AADACL4: variants seen among roughly 807,000 people sequenced by gnomAD.
AADACL4 encodes the protein arylacetamide deacetylase-like 4.
A neutral mutation model predicts 14.1 loss-of-function variants in AADACL4; 9 were observed. The observed-to-expected ratio is 0.64, with a 90% CI of 0.39 to 1.12. The LOEUF (loss-of-function observed/expected upper bound fraction) is 1.12, where lower values mean the gene tolerates loss of function less well. AADACL4 is among the 50% of genes most tolerant of loss of function. AADACL4 has a pLI of 0.01. For missense variants in AADACL4, 531 were observed against 516.1 expected (o/e 1.03, Z -0.28); for synonymous variants, 188 against 201.6 (o/e 0.93, Z 0.57).
intron 3 of AADACL4, among the ~76,000 whole-genome samples, chr1:12,665,706 T>G (rs1421651555): frequency 6.6e-6 from 1 of 152,208 alleles, no homozygotes; most frequent in Non-Finnish European, 1.5e-5. Context: ...GAAAACAAAG[T>G]TGCATCACCT....
chr1:12,663,613 G>A (rs868856382), intron 3 of AADACL4, among the ~76,000 whole-genome samples: 2 of 152,214 alleles, frequency 1.3e-5, no homozygotes, highest in Admixed American at 6.5e-5. Context: ...AGAGAGAAGT[G>A]TAGGGAGGCA....
chr1:12,651,390 T>G, intron 2 of AADACL4, 51 bp downstream of exon 2: 2 of 1,563,704 alleles, frequency 1.3e-6, no homozygotes, highest in Non-Finnish European at 1.8e-6. Flanking sequence ...TCTGCATGCA[T>G]AGCCTAGCTC....
chr1:12,654,153 C>T (rs1647167146), intron 2 of AADACL4, among the ~76,000 whole-genome samples: 1 of 152,182 alleles, frequency 6.6e-6, no homozygotes, highest in East Asian at 1.9e-4. Context: ...TGGTGTCTCC[C>T]AGTATTTGGG....
In AADACL4 at chr1:12,658,137, TTC is replaced by T. The variant is rs1238492902; in HGVS notation, c.386-3653_386-3652del. Reference sequence around the variant, plus strand: ...CTTCCTTCCTTCCTTCCTTCCTTCCTTCCTTTCTTTCTTTCTTTCTTTCTTTC... The same window carrying T: ...CTTCCTTCCTTCCTTCCTTCCTTCCTCTTTCTTTCTTTCTTTCTTTCTTTC... On this transcript the variant is annotated intron_variant, in intron 2 of 3. Transcript: ENST00000376221. Among the ~76,000 whole-genome samples, 291 of 133,890 alleles carry T rather than the reference TTC, an allele frequency of 2.2e-3. 2 individuals carry two copies. Among genetic ancestry groups the T allele is most frequent in the East Asian group, 9.9e-3 (49 of 4,942 alleles). 87.8% of individuals were successfully genotyped at this position (133,890 alleles called of 152,430 possible).
At chr1:12,661,125 C>A (rs1190692850) in intron 2 of AADACL4, among the ~76,000 whole-genome samples, 3 of 152,322 alleles carry the variant, frequency 2.0e-5, no homozygotes, top group Non-Finnish European at 4.4e-5. Flanking sequence ...ACTTCAGCAA[C>A]CTCCTCCAAA....
chr1:12,652,437 T>G (rs898084774), intron 2 of AADACL4, among the ~76,000 whole-genome samples: 3 of 152,244 alleles, frequency 2.0e-5, no homozygotes, highest in Non-Finnish European at 4.4e-5. Flanking sequence ...AGAGTTGTCT[T>G]GATACCGGTG....
At chr1:12,651,366 G>A (rs1257308972) in intron 2 of AADACL4, 27 bp downstream of exon 2, 1 of 1,610,758 alleles carries the variant, frequency 6.2e-7, no homozygotes, top group Non-Finnish European at 8.5e-7. Context: ...TGGCTTTGTA[G>A]AGGAAGGGCC....
At chr1:12,661,904 G>A (rs1376084196) in intron 3 of AADACL4, 50 bp downstream of exon 3, 1 of 1,581,926 alleles carries the variant, frequency 6.3e-7, no homozygotes, top group African/African-American at 1.3e-5. Flanking sequence ...AGAGGAGATA[G>A]GGTAAGTTCA....
chr1:12,659,555 T>A (rs1236874538), intron 2 of AADACL4, among the ~76,000 whole-genome samples: 1 of 152,124 alleles, frequency 6.6e-6, no homozygotes, highest in Admixed American at 6.6e-5. Flanking sequence ...GCAAAACAAT[T>A]ATGATGAACA....
At chr1:12,652,660 A>G (rs1422878879) in intron 2 of AADACL4, among the ~76,000 whole-genome samples, 1 of 152,232 alleles carries the variant, frequency 6.6e-6, no homozygotes, top group Non-Finnish European at 1.5e-5. Flanking sequence ...TTCTTTAACC[A>G]AGGGGTGGAC....
intron 2 of AADACL4, among the ~76,000 whole-genome samples, chr1:12,655,691 G>A (rs1647176239): frequency 6.6e-6 from 1 of 152,084 alleles, no homozygotes; most frequent in Admixed American, 6.5e-5. Flanking sequence ...GCTATCATTT[G>A]GGCTTGCACT....
intron 2 of AADACL4, among the ~76,000 whole-genome samples, chr1:12,652,770 G>T (rs1285836095): frequency 1.3e-5 from 2 of 152,174 alleles, no homozygotes; most frequent in Non-Finnish European, 2.9e-5. Context: ...TCCTGTCGCT[G>T]GTGGGTGTGT....
intron 3 of AADACL4, among the ~76,000 whole-genome samples, chr1:12,662,540 G>A: frequency 6.6e-6 from 1 of 152,164 alleles, no homozygotes; most frequent in East Asian, 1.9e-4. Flanking sequence ...AAAACAAAAG[G>A]GAGATGGAGG....
chr1:12,655,367 C>T (rs1302744711), intron 2 of AADACL4, among the ~76,000 whole-genome samples: 1 of 152,006 alleles, frequency 6.6e-6, no homozygotes, highest in African/African-American at 2.4e-5. Context: ...GTTGTGATGA[C>T]CATGATTTTT....
At chr1:12,649,762 C>T (rs1036784493) in intron 1 of AADACL4, among the ~76,000 whole-genome samples, 2 of 152,228 alleles carry the variant, frequency 1.3e-5, no homozygotes, top group African/African-American at 4.8e-5. Flanking sequence ...CTATACACAA[C>T]ATGCTTCTCA....
chr1:12,646,643 G>T (rs1647113093), intron 1 of AADACL4, among the ~76,000 whole-genome samples: 1 of 152,216 alleles, frequency 6.6e-6, no homozygotes, highest in Non-Finnish European at 1.5e-5. Flanking sequence ...ATGTTCAGGT[G>T]GCCCAGAGAA....
At chr1:12,654,843 A>T (rs945139334) in intron 2 of AADACL4, among the ~76,000 whole-genome samples, 2 of 151,630 alleles carry the variant, frequency 1.3e-5, no homozygotes, top group African/African-American at 4.9e-5. Context: ...CATGGGCAAG[A>T]CGGCCCTCTC....
At chr1:12,658,067 C>CTCTTTCTT (rs140233824) in intron 2 of AADACL4, among the ~76,000 whole-genome samples, 13 of 137,274 alleles carry the variant, frequency 9.5e-5, no homozygotes, top group South Asian at 2.3e-4. Context: ...CTTTCTTTTT[C>CTCTTTCTT]TCTTTCTTTC....
intron 3 of AADACL4, among the ~76,000 whole-genome samples, chr1:12,665,221 T>C (rs1246020122): frequency 6.7e-6 from 1 of 149,782 alleles, no homozygotes. Context: ...AGATTTTTGA[T>C]TTTTTTTCGT....
Sources: gnomAD v4.1 joint callset for allele counts (sites outside exome capture counted in the v4.1 genomes callset) on GRCh38, gnomAD v4.1.1 for gene constraint, MANE v1.5 for transcripts, NCBI Gene and HGNC (gene_info 2026-07-23, HGNC 2026-07-21) for gene names.